Variants in KCNT1 observed in about 807,000 individuals in gnomAD.
KCNT1 encodes the protein potassium sodium-activated channel subfamily T member 1.
In KCNT1, 78 loss-of-function variants were observed where a neutral mutation model predicts 147.8. That is an observed-to-expected ratio of 0.53 (90% CI 0.44 to 0.64). KCNT1 has a LOEUF of 0.64. Among genes scored for constraint, KCNT1 ranks in the 30% least tolerant of loss-of-function variants. The pLI, the probability that KCNT1 is intolerant of heterozygous loss-of-function variation, is 0.00. For synonymous variants in KCNT1, 867 were observed against 748.8 expected (o/e 1.16, Z -2.58); for missense variants, 1,419 against 1,750.3 (o/e 0.81, Z 3.38).
chr9:135,767,889 C>T (rs1434558650), intron 13 of KCNT1, among the ~76,000 whole-genome samples: 1 of 152,052 alleles, frequency 6.6e-6, no homozygotes, highest in African/African-American at 2.4e-5. Flanking sequence ...TGGGCTCCCA[C>T]TCAGGGCCGT....
chr9:135,723,440 T>A (rs970812049), intron 2 of KCNT1, among the ~76,000 whole-genome samples: 6 of 152,234 alleles, frequency 3.9e-5, no homozygotes, highest in African/African-American at 1.4e-4. Context: ...GCCCGAGGCT[T>A]GGCTCCACAG....
chr9:135,714,737 G>GGT lies in KCNT1; in HGVS notation c.254+18_254+19insTG, dbSNP rs2131329642. ...CGACGACAGGTAGGGACCGGGCGCG[G>GGT]GGTGGGGGCTGGGGTCGCCGTCCCG... On this transcript the variant is annotated intron_variant, in intron 2 of 30. Coordinates refer to ENST00000371757, the MANE Select transcript of KCNT1 (RefSeq NM_020822.3). This position sits in a 1 kb window ranked among gnomAD's most constrained non-coding sequence, Gnocchi z 6.2. The GGT allele has an allele frequency of 7.4e-7, 1 of 1,347,292 alleles. No homozygotes were observed. The highest frequency in any genetic ancestry group is 9.7e-7 in the Non-Finnish European group (1 of 1,034,282). The allele number at this position is 1,347,292 out of a possible 1,614,324, so 83.5% of individuals were successfully genotyped here. A position where few individuals can be genotyped will look rare whatever the true frequency, so the allele number is the denominator to read the frequency against.
At chr9:135,747,018 G>A (rs111797291) in intron 2 of KCNT1, among the ~76,000 whole-genome samples, 3,608 of 152,078 alleles carry the variant, frequency 0.024, 138 homozygotes, top group African/African-American at 0.083. Flanking sequence ...ATGCCAGAGG[G>A]TAGAGTGGGG....
At chr9:135,784,501 C>G (rs1588400638) in intron 25 of KCNT1, 34 bp from the exon 26 acceptor site, 2 of 429,072 alleles carry the variant, frequency 4.7e-6, no homozygotes, top group East Asian at 3.6e-5. Context: ...CTCCCTCCCT[C>G]CCTCCCTCCC....
chr9:135,758,971 G>A (rs936087407), intron 10 of KCNT1, among the ~76,000 whole-genome samples: 3 of 152,220 alleles, frequency 2.0e-5, no homozygotes, highest in Non-Finnish European at 2.9e-5. Flanking sequence ...GCTCTGCCTT[G>A]GGTCCCAGCG....
At position 135,739,464 on chromosome 9, in the gene KCNT1, A is replaced by G. The variant is rs554740074; in HGVS notation, c.255-10634A>G. On this transcript the variant is annotated intron_variant, in intron 2 of 30. Coordinates refer to ENST00000371757, the MANE Select transcript of KCNT1 (RefSeq NM_020822.3). ...CCCCCCGACCCCGGACACCCTTGCC[A>G]GGACCTCCCTCCCCTGCAGATCCAG... is the stretch of plus-strand genomic sequence containing the variant. Among the ~76,000 whole-genome samples, 193 of 115,904 alleles carry G rather than the reference A, an allele frequency of 1.7e-3. 1 individual carries two copies. The highest frequency in any genetic ancestry group is 4.9e-3 in the African/African-American group (145 of 29,674). The allele number at this position is 115,904 out of a possible 152,430, so 76.0% of individuals were successfully genotyped here.
chr9:135,790,995 C>G (rs755022896), intron 29 of KCNT1: 1 of 152,354 alleles, frequency 6.6e-6, no homozygotes. Context: ...CGTTCTCACC[C>G]TGTGGGACAC....
Position 135,714,123 on chromosome 9 carries a change from G to A in KCNT1, c.111-454G>A, listed in dbSNP as rs1295364418. On this transcript the variant is annotated intron_variant, in intron 1 of 30. Coordinates refer to ENST00000371757, the MANE Select transcript of KCNT1 (RefSeq NM_020822.3). This position sits in a 1 kb window ranked among gnomAD's most constrained non-coding sequence, Gnocchi z 6.2. ...TCTCTGGGGCTGGACCCTGAAGGAA[G>A]ATTGAGCAGCCGGCCTCGGCAAAGA... Among the ~76,000 whole-genome samples, 2 of 150,722 alleles carry A rather than the reference G, an allele frequency of 1.3e-5. No individual in the cohort carries two copies. Among genetic ancestry groups the A allele is most frequent in the African/African-American group, 4.9e-5 (2 of 41,222 alleles).
At chr9:135,791,422 T>C (rs1415983999) in intron 29 of KCNT1, 1 of 234,288 alleles carries the variant, frequency 4.3e-6, no homozygotes, top group Non-Finnish European at 8.5e-6. Flanking sequence ...TGCATGCATG[T>C]GAGGTGAACA....
intron 11 of KCNT1, among the ~76,000 whole-genome samples, chr9:135,763,664 T>C (rs1832064461): frequency 6.6e-6 from 1 of 152,114 alleles, no homozygotes; most frequent in South Asian, 2.1e-4. Flanking sequence ...GCACTTGGCC[T>C]CTTCTCTGTA....
intron 1 of KCNT1, among the ~76,000 whole-genome samples, chr9:135,713,223 C>G (rs2131326338): frequency 6.6e-6 from 1 of 152,378 alleles, no homozygotes. Flanking sequence ...CCACGTGGTT[C>G]CCCTGCCTGC....
chr9:135,781,660 G>T (rs1488440274), intron 24 of KCNT1, among the ~76,000 whole-genome samples: 1 of 150,162 alleles, frequency 6.7e-6, no homozygotes, highest in East Asian at 1.9e-4. Flanking sequence ...AAAAATTGAA[G>T]AAAAGTTACC....
Position 135,792,175 on chromosome 9 carries a change from G to C in KCNT1, c.*14G>C, listed in dbSNP as rs772536821. ...ACACAGCTCTGAGCCAGCCCTGCAC[G>C]GAGCTCAGGCCACCAAGCCCGGGGT... On this transcript the variant is annotated 3_prime_UTR_variant, in exon 31 of 31. Transcript: ENST00000371757. 6.2e-7 allele frequency: 1 copy of C among 1,600,904 alleles called. No homozygotes were observed. Among genetic ancestry groups the C allele is most frequent in the Non-Finnish European group, 8.5e-7 (1 of 1,177,474 alleles).
chr9:135,774,296 T>G, intron 19 of KCNT1, among the ~76,000 whole-genome samples: 1 of 145,148 alleles, frequency 6.9e-6, no homozygotes, highest in Admixed American at 6.8e-5. Flanking sequence ...TTGTGTGTGG[T>G]GTGTGTGTCT....
intron 1 of KCNT1, among the ~76,000 whole-genome samples, chr9:135,711,592 G>T (rs1835490669): frequency 3.3e-5 from 5 of 152,246 alleles, no homozygotes; most frequent in Admixed American, 3.3e-4. Flanking sequence ...CAGCTGCCGG[G>T]CTCCCCTCTG....
chr9:135,768,631 C>T lies in KCNT1; in HGVS notation c.1359C>T (p.Cys453=), dbSNP rs1455107112. 16 of 1,550,544 alleles carry T rather than the reference C, an allele frequency of 1.0e-5. No individual in the cohort carries two copies. Among genetic ancestry groups the T allele is most frequent in the Non-Finnish European group, 1.3e-5 (15 of 1,146,868 alleles). Residue 453 remains cysteine (C), a synonymous_variant, in exon 14 of 31, where the codon TGC becomes TGT. Coordinates refer to ENST00000371757, the MANE Select transcript of KCNT1 (RefSeq NM_020822.3). The part of the protein sequence containing the change: ...MRAKMDNGEA[C]FILSSRNEVD... ...GCAGGATGGACAATGGGGAGGCCTGCTTCATCCTCAGCAGCAGGAACGAGG... is the reference window on the plus strand; with the variant it reads ...GCAGGATGGACAATGGGGAGGCCTGTTTCATCCTCAGCAGCAGGAACGAGG...
chr9:135,733,798 AGGCGTG>A (rs1253961770), intron 2 of KCNT1, among the ~76,000 whole-genome samples: 1 of 143,684 alleles, frequency 7.0e-6, no homozygotes, highest in Non-Finnish European at 1.5e-5. Context: ...CCATAGCACC[AGGCGTG>A]GGTGCCCACC....
At position 135,793,168 on chromosome 9, in the gene KCNT1, G is replaced by C. The variant is rs142586187; in HGVS notation, c.*1007G>C. On this transcript the variant is annotated 3_prime_UTR_variant, in exon 31 of 31. Transcript: ENST00000371757. ...AGTTACAAGTCAAGTCGCCCTGCTC[G>C]TGTTTCCAAGGCTCTCACCCCTCCC... 3 of 152,162 alleles carry C rather than the reference G, an allele frequency of 2.0e-5. No individual in the cohort carries two copies. The highest frequency in any genetic ancestry group is 4.4e-5 in the Non-Finnish European group (3 of 68,048). The allele number at this position is 152,162 out of a possible 1,614,324, so 9.4% of individuals were successfully genotyped here.
chr9:135,742,422 G>A (rs1830610909), intron 2 of KCNT1, among the ~76,000 whole-genome samples: 1 of 152,218 alleles, frequency 6.6e-6, no homozygotes, highest in Admixed American at 6.5e-5. Flanking sequence ...CTCCTCGAGT[G>A]TGGTTGTCAC....
Sources: allele counts gnomAD v4.1 joint callset (sites outside exome capture counted in the v4.1 genomes callset), GRCh38; gene constraint gnomAD v4.1.1; non-coding constraint Gnocchi (gnomAD v3.1); transcripts MANE v1.5; gene names NCBI Gene and HGNC (gene_info 2026-07-23, HGNC 2026-07-21).